Variants in RANBP10 observed in about 807,000 individuals in gnomAD.
The protein encoded by RANBP10 is ran-binding protein 10.
RANBP10 carries 24 observed loss-of-function variants against 72.8 expected under a neutral mutation model. The ratio of observed to expected loss-of-function variants is 0.33; its 90% CI spans 0.24 to 0.46. The LOEUF (loss-of-function observed/expected upper bound fraction) is 0.46, where lower values mean the gene tolerates loss of function less well. RANBP10 is among the 20% of genes least tolerant of loss of function. RANBP10 has a pLI of 1.00. For missense variants in RANBP10, 679 were observed against 817.5 expected (o/e 0.83, Z 2.07); for synonymous variants, 310 against 322.3 (o/e 0.96, Z 0.41).
Position 67,806,406 on chromosome 16 carries a change from G to A in RANBP10, c.131C>T (p.Pro44Leu). Reference sequence around the variant, plus strand: ...CGGAGTCTCTTGCTGGTTGACCGCGGGATACAGGCGCTGCAAGCGCCGGCT... The same window carrying A: ...CGGAGTCTCTTGCTGGTTGACCGCGAGATACAGGCGCTGCAAGCGCCGGCT... ...ELSRRLQRLY[P>L]AVNQQETPLP... Residue 44 changes from proline to leucine, a missense_variant, in exon 1 of 14, where the codon CCC becomes CTC. By Grantham distance (98) the Pro-to-Leu change is moderately conservative. Transcript: ENST00000317506. 1 of 1,607,674 alleles carries A rather than the reference G, an allele frequency of 6.2e-7. No homozygotes were observed. Among genetic ancestry groups the A allele is most frequent in the Non-Finnish European group, 8.5e-7 (1 of 1,177,516 alleles).
Position 67,725,588 on chromosome 16 carries a change from T to C in RANBP10, c.*840A>G, listed in dbSNP as rs956923854. The C allele has an allele frequency of 3.3e-5, 5 of 152,540 alleles. 1 individual carries two copies. Among genetic ancestry groups the C allele is most frequent in the South Asian group, 4.1e-4 (2 of 4,830 alleles). The allele number at this position is 152,540 out of a possible 1,614,324, so 9.4% of individuals were successfully genotyped here. A position where few individuals can be genotyped will look rare whatever the true frequency, so the allele number is the denominator to read the frequency against. Reference sequence around the variant, plus strand: ...GTGGGAGGTGGGGTAGAGTGGTAGATAGTGTGCTGGCCAAGGACCCTCTAC... The same window carrying C: ...GTGGGAGGTGGGGTAGAGTGGTAGACAGTGTGCTGGCCAAGGACCCTCTAC... On this transcript the variant is annotated 3_prime_UTR_variant, in exon 14 of 14. Coordinates refer to ENST00000317506, the MANE Select transcript of RANBP10 (RefSeq NM_020850.3).
intron 3 of RANBP10, among the ~76,000 whole-genome samples, chr16:67,746,829 C>T (rs1290093913): frequency 1.3e-5 from 2 of 152,148 alleles, no homozygotes; most frequent in Admixed American, 6.6e-5. Flanking sequence ...AATGCATCTG[C>T]GATCCATCCA....
Position 67,726,363 on chromosome 16 carries a change from G to T in RANBP10, c.*65C>A. 2 of 1,602,676 alleles carry T rather than the reference G, an allele frequency of 1.2e-6. No individual in the cohort carries two copies. The stretch of plus-strand genomic sequence containing the variant: ...CCAGTCCCTGCACCAGTTGCCTATG[G>T]AGGGCAGGGCAGCTCCAGCCCTGGG... On this transcript the variant is annotated 3_prime_UTR_variant, in exon 14 of 14. Coordinates refer to ENST00000317506, the MANE Select transcript of RANBP10 (RefSeq NM_020850.3).
chr16:67,737,956 C>T, intron 5 of RANBP10, 57 bp downstream of exon 5: 1 of 1,544,578 alleles, frequency 6.5e-7, no homozygotes, highest in Non-Finnish European at 8.8e-7. Flanking sequence ...ACCACCGTGC[C>T]CCATCCCAGT....
intron 3 of RANBP10, among the ~76,000 whole-genome samples, 155 bp downstream of exon 3, chr16:67,771,879 C>T (rs939798166): frequency 3.9e-5 from 6 of 152,118 alleles, no homozygotes; most frequent in African/African-American, 1.4e-4. Flanking sequence ...CATCCTGGCC[C>T]AAGGGCTACC....
chr16:67,729,196 G>A lies in RANBP10; in HGVS notation c.1352+84C>T. The A allele has an allele frequency of 6.4e-7, 1 of 1,558,102 alleles. No individual in the cohort carries two copies. Among genetic ancestry groups the A allele is most frequent in the Non-Finnish European group, 8.7e-7 (1 of 1,151,596 alleles). ...CCTGAGATGGAGGCTGGGGGTGAAGGGCAGGGCGCTCAAAGGACAGACTGC... is the reference window on the plus strand; with the variant it reads ...CCTGAGATGGAGGCTGGGGGTGAAGAGCAGGGCGCTCAAAGGACAGACTGC... On this transcript the variant is annotated intron_variant, in intron 10 of 13. Transcript: ENST00000317506. This position sits in a 1 kb window ranked among gnomAD's most constrained non-coding sequence, Gnocchi z 7.1.
chr16:67,777,426 C>CG (rs939072249), intron 2 of RANBP10, among the ~76,000 whole-genome samples: 2 of 149,104 alleles, frequency 1.3e-5, no homozygotes, highest in South Asian at 2.1e-4. Flanking sequence ...GTCCCAGCTA[C>CG]GGGGGAGGCT....
Position 67,789,880 on chromosome 16 carries a change from C to T in RANBP10, c.347+15548G>A, listed in dbSNP as rs1320567724. Among the ~76,000 whole-genome samples, 3 of 151,822 alleles carry T rather than the reference C, an allele frequency of 2.0e-5. 1 individual carries two copies. Among genetic ancestry groups the T allele is most frequent in the African/African-American group, 7.3e-5 (3 of 41,174 alleles). ...TTGGGAGGCCAAGACAGGCGGATCA[C>T]GAGGTCAGGAGTTCAAGATCAATCT... On this transcript the variant is annotated intron_variant, in intron 2 of 13. Coordinates refer to ENST00000317506, the MANE Select transcript of RANBP10 (RefSeq NM_020850.3).
At chr16:67,734,831 G>A in intron 6 of RANBP10, 27 bp downstream of exon 6, 1 of 1,531,888 alleles carries the variant, frequency 6.5e-7, no homozygotes, top group African/African-American at 1.4e-5. Context: ...GGGTGGGAGT[G>A]GGTAAGGGCA....
Position 67,728,390 on chromosome 16 carries a change from C to T in RANBP10, c.1474G>A (p.Asp492Asn). The T allele has an allele frequency of 6.2e-7, 1 of 1,613,896 alleles. No individual in the cohort carries two copies. Among genetic ancestry groups the T allele is most frequent in the Non-Finnish European group, 8.5e-7 (1 of 1,179,830 alleles). Residue 492 changes from aspartate to asparagine, a missense_variant and splice_region_variant, in exon 11 of 14, where the codon GAT (aspartate) becomes AAT (asparagine). Physicochemically the swap from Asp to Asn is conservative, Grantham distance 23. Transcript: ENST00000317506. ...TAGCACACCGGGCCGTGGCTCTCAC[C>T]CATGCTGGACTCATCCGTCTGCAGG... is the stretch of plus-strand genomic sequence containing the variant. Reference protein sequence around the residue: ...EDLQTDESSMDDRHPRRQLCG... With the variant: ...EDLQTDESSMNDRHPRRQLCG...
At chr16:67,791,083 G>A (rs189760228) in intron 2 of RANBP10, among the ~76,000 whole-genome samples, 2 of 150,214 alleles carry the variant, frequency 1.3e-5, no homozygotes, top group Admixed American at 1.3e-4. Context: ...GCGCAATCTC[G>A]GCTCACTGCA....
chr16:67,786,406 T>C (rs566842849), intron 2 of RANBP10, among the ~76,000 whole-genome samples: 1 of 152,264 alleles, frequency 6.6e-6, no homozygotes, highest in Non-Finnish European at 1.5e-5. Flanking sequence ...TTGCAAATCA[T>C]AGATCTGATA....
chr16:67,738,010 C>T lies in RANBP10; in HGVS notation c.591+3G>A. 1 of 1,588,942 alleles carries T rather than the reference C, an allele frequency of 6.3e-7. No individual in the cohort carries two copies. Among genetic ancestry groups the T allele is most frequent in the South Asian group, 1.1e-5 (1 of 87,596 alleles). On this transcript the variant is annotated splice_donor_region_variant and intron_variant, in intron 5 of 13. Coordinates refer to ENST00000317506, the MANE Select transcript of RANBP10 (RefSeq NM_020850.3). ...GAGGGGAAGACTCAATAGTAGTACT[C>T]ACCGGGAGGTCTGTGAAGGCTATAC...
intron 2 of RANBP10, among the ~76,000 whole-genome samples, chr16:67,801,347 T>C (rs565226317): frequency 6.6e-6 from 1 of 152,208 alleles, no homozygotes; most frequent in South Asian, 2.1e-4. Flanking sequence ...ATTCCTTCAC[T>C]CTACCCAGGG....
intron 2 of RANBP10, among the ~76,000 whole-genome samples, chr16:67,776,461 CAAAAA>C (rs149876935): frequency 2.6e-5 from 1 of 37,892 alleles, no homozygotes; most frequent in Non-Finnish European, 5.0e-5. Flanking sequence ...GACTCCATCT[CAAAAA>C]AAAAAAAAAA....
chr16:67,730,673 G>A lies in RANBP10; in HGVS notation c.890-627C>T, dbSNP rs1307804374. On this transcript the variant is annotated intron_variant, in intron 7 of 13. Coordinates refer to ENST00000317506, the MANE Select transcript of RANBP10 (RefSeq NM_020850.3). This position sits in a 1 kb window ranked among gnomAD's most constrained non-coding sequence, Gnocchi z 4.3. ...CTCGCTGGGAGCAACTTCAGAGTCT[G>A]AGGCTCTCATTCATAGATCCCAAGT... is the stretch of plus-strand genomic sequence containing the variant. Among the ~76,000 whole-genome samples the A allele has an allele frequency of 6.6e-6, 1 of 152,194 alleles. No homozygotes were observed. The highest frequency in any genetic ancestry group is 2.1e-4 in the South Asian group (1 of 4,826).
intron 3 of RANBP10, among the ~76,000 whole-genome samples, chr16:67,767,741 C>T (rs369671271): frequency 1.3e-5 from 2 of 152,060 alleles, no homozygotes; most frequent in East Asian, 1.9e-4. Flanking sequence ...GGAGTACAGG[C>T]GCCCACCACC....
intron 2 of RANBP10, among the ~76,000 whole-genome samples, chr16:67,801,044 A>T (rs1479711288): frequency 6.6e-6 from 1 of 152,134 alleles, no homozygotes; most frequent in East Asian, 1.9e-4. Context: ...TATTCTGTGA[A>T]ATCTTGACAT....
At chr16:67,795,564 T>A (rs2055115353) in intron 2 of RANBP10, among the ~76,000 whole-genome samples, 1 of 148,964 alleles carries the variant, frequency 6.7e-6, no homozygotes, top group Admixed American at 6.7e-5. Context: ...AATAAAATAA[T>A]TTTTTAAAAA....
Sources: allele counts gnomAD v4.1 joint callset (sites outside exome capture counted in the v4.1 genomes callset), GRCh38; gene constraint gnomAD v4.1.1; non-coding constraint Gnocchi (gnomAD v3.1); transcripts MANE v1.5; gene names NCBI Gene and HGNC (gene_info 2026-07-23, HGNC 2026-07-21).